The following FBXO36 variants were observed in gnomAD, a reference collection of about 807,000 sequenced individuals.
The protein encoded by FBXO36 is F-box protein 36, also known as F-box only protein 36.
Under a neutral mutation model 17.0 loss-of-function variants are expected in FBXO36, and 18 were observed. The ratio of observed to expected loss-of-function variants is 1.06; its 90% confidence interval spans 0.73 to 1.57. FBXO36 has a LOEUF of 1.57. Among genes scored for constraint, FBXO36 ranks in the 40% most tolerant of loss-of-function variants. FBXO36 has a pLI of 0.00. For synonymous variants in FBXO36, 83 were observed against 85.3 expected (o/e 0.97, Z 0.15); for missense variants, 229 against 221.9 (o/e 1.03, Z -0.20).
chr2:229,967,336 G>A (rs1354575831), intron 1 of FBXO36, among the ~76,000 whole-genome samples: 6 of 152,148 alleles, frequency 3.9e-5, no homozygotes, highest in Non-Finnish European at 7.3e-5. Flanking sequence ...GGGACAATTT[G>A]ACTTCCTCTT....
intron 1 of FBXO36, among the ~76,000 whole-genome samples, chr2:229,924,997 T>C (rs902205627): frequency 6.6e-6 from 1 of 152,178 alleles, no homozygotes; most frequent in South Asian, 2.1e-4. Context: ...CTCTATCTCC[T>C]GGCATTACAG....
At chr2:229,943,766 C>T (rs994683810) in intron 1 of FBXO36, among the ~76,000 whole-genome samples, 8 of 152,154 alleles carry the variant, frequency 5.3e-5, no homozygotes, top group Non-Finnish European at 8.8e-5. Context: ...TATTGAATCC[C>T]ATGCCTAAGA....
At chr2:229,989,820 G>C (rs532927766) in intron 2 of FBXO36, among the ~76,000 whole-genome samples, 1 of 148,710 alleles carries the variant, frequency 6.7e-6, no homozygotes, top group Admixed American at 6.8e-5. Flanking sequence ...TGATCCACCC[G>C]CCTCGGCCTC....
chr2:229,963,661 G>T (rs2077136346), intron 1 of FBXO36, among the ~76,000 whole-genome samples: 1 of 151,570 alleles, frequency 6.6e-6, no homozygotes, highest in Non-Finnish European at 1.5e-5. Flanking sequence ...AACCAGGATG[G>T]TCTCGATCTC....
chr2:229,992,635 C>A (rs894607200), intron 2 of FBXO36, among the ~76,000 whole-genome samples: 3 of 152,238 alleles, frequency 2.0e-5, no homozygotes, highest in Non-Finnish European at 4.4e-5. Flanking sequence ...GGCAGCACAT[C>A]TCTTGCAGGT....
At chr2:229,979,761 C>T (rs1227054858) in intron 2 of FBXO36, among the ~76,000 whole-genome samples, 1 of 151,606 alleles carries the variant, frequency 6.6e-6, no homozygotes, top group African/African-American at 2.4e-5. Context: ...CACTGTCTTA[C>T]TATCTGTATG....
chr2:229,988,651 C>T (rs111553397), intron 2 of FBXO36, among the ~76,000 whole-genome samples: 4 of 152,210 alleles, frequency 2.6e-5, no homozygotes, highest in African/African-American at 7.2e-5. Context: ...TCTCCTGCCT[C>T]AGCCTCCTGA....
At position 230,000,696 on chromosome 2, in the gene FBXO36, A is replaced by G. The variant is rs568976600; in HGVS notation, c.378+3773A>G. On this transcript the variant is annotated intron_variant, in intron 3 of 3. Transcript: ENST00000283946. ...TGCTATTATTTCAGTGCAGTCTTGA[A>G]AACATTCTCCATAATTTAGCCAGTG... Among the ~76,000 whole-genome samples the G allele has an allele frequency of 1.2e-4, 19 of 152,136 alleles. 1 individual carries two copies. In the South Asian group the frequency reaches 2.7e-3, roughly 22 times the overall value.
intron 3 of FBXO36, among the ~76,000 whole-genome samples, chr2:229,998,521 C>A (rs1334815044): frequency 6.6e-6 from 1 of 151,732 alleles, no homozygotes; most frequent in Non-Finnish European, 1.5e-5. Context: ...ACTAGGGGGG[C>A]TGAGGCAGGA....
intron 1 of FBXO36, among the ~76,000 whole-genome samples, chr2:229,933,795 C>T (rs2106155933): frequency 6.6e-6 from 1 of 152,186 alleles, no homozygotes; most frequent in African/African-American, 2.4e-5. Flanking sequence ...AAACAATTCT[C>T]CTGCCTCAGC....
chr2:229,922,531 G>A lies in FBXO36; in HGVS notation c.18G>A (p.Pro6=), dbSNP rs1368514340. Residue 6 remains proline, a synonymous_variant, in exon 1 of 4, where the codon CCG becomes CCA. Transcript: ENST00000283946. ...GTCCCAAGATGGCGTCGTGGCTGCC[G>A]GAGACTCTCTTTGAAACTGTAGGAC... MASWL[P]ETLFETVGQG... The A allele has an allele frequency of 5.6e-6, 9 of 1,613,894 alleles. No homozygotes were observed. The highest frequency in any genetic ancestry group is 1.7e-5 in the Admixed American group (1 of 60,010).
intron 1 of FBXO36, among the ~76,000 whole-genome samples, chr2:229,971,977 C>T (rs558679685): frequency 1.3e-5 from 2 of 150,374 alleles, no homozygotes; most frequent in Admixed American, 1.3e-4. Flanking sequence ...TGCACCTGGC[C>T]CAAGTATCCA....
intron 2 of FBXO36, among the ~76,000 whole-genome samples, chr2:229,991,318 C>A (rs546520130): frequency 5.3e-4 from 81 of 152,184 alleles, no homozygotes; most frequent in South Asian, 1.0e-3. Context: ...CTGAATGTGT[C>A]CCCCCTCAAA....
intron 1 of FBXO36, among the ~76,000 whole-genome samples, chr2:229,938,212 C>CTT (rs1443971158): frequency 1.1e-5 from 1 of 87,332 alleles, no homozygotes; most frequent in African/African-American, 4.8e-5. Flanking sequence ...TTAGATACAA[C>CTT]TTTCTTTTTT....
At chr2:229,940,119 C>G (rs2106161575) in intron 1 of FBXO36, among the ~76,000 whole-genome samples, 1 of 152,050 alleles carries the variant, frequency 6.6e-6, no homozygotes, top group East Asian at 1.9e-4. Context: ...AAGCCATTGG[C>G]AACATTTTTA....
chr2:229,962,558 T>TA (rs530864125), intron 1 of FBXO36, among the ~76,000 whole-genome samples: 19 of 114,790 alleles, frequency 1.7e-4, no homozygotes, highest in African/African-American at 6.4e-4. Flanking sequence ...ATTGTAGAGA[T>TA]AGAGTTGCAC....
chr2:229,958,269 T>C (rs1379588877), intron 1 of FBXO36, among the ~76,000 whole-genome samples: 11 of 134,602 alleles, frequency 8.2e-5, no homozygotes, highest in Non-Finnish European at 1.6e-4. Context: ...TTTTTTTTTT[T>C]TTTTTTTTTT....
intron 3 of FBXO36, among the ~76,000 whole-genome samples, chr2:230,002,468 C>T (rs1299815815): frequency 6.6e-6 from 1 of 151,992 alleles, no homozygotes; most frequent in Non-Finnish European, 1.5e-5. Flanking sequence ...ACTGCAACCT[C>T]CACCCCCTGG....
chr2:229,924,547 T>C (rs2076894783), intron 1 of FBXO36, among the ~76,000 whole-genome samples: 1 of 152,228 alleles, frequency 6.6e-6, no homozygotes, highest in Non-Finnish European at 1.5e-5. Context: ...TTGTCTTTTT[T>C]TGCATTTTCT....
Sources: gnomAD v4.1 joint callset for allele counts (sites outside exome capture counted in the v4.1 genomes callset) on GRCh38, gnomAD v4.1.1 for gene constraint, MANE v1.5 for transcripts, NCBI Gene and HGNC (gene_info 2026-07-23, HGNC 2026-07-21) for gene names.